PRMT3: variants seen among roughly 807,000 people sequenced by gnomAD.
The protein encoded by PRMT3 is protein arginine N-methyltransferase 3.
Under a neutral mutation model 71.9 loss-of-function variants are expected in PRMT3, and 62 were observed. That is an observed-to-expected ratio of 0.86 (90% CI 0.70 to 1.07). The LOEUF (loss-of-function observed/expected upper bound fraction) is 1.07. Ranked by LOEUF, PRMT3 falls within the 50% of genes least tolerant of loss-of-function variation. PRMT3 has a pLI of 0.00. For synonymous variants in PRMT3, 213 were observed against 220.4 expected (o/e 0.97, Z 0.30); for missense variants, 663 against 643.0 (o/e 1.03, Z -0.34).
chr11:20,399,596 C>G (rs868538645), intron 7 of PRMT3, among the ~76,000 whole-genome samples: 1 of 152,090 alleles, frequency 6.6e-6, no homozygotes, highest in East Asian at 1.9e-4. Context: ...TAAATCACCC[C>G]ATCAGCTTAA....
At chr11:20,464,709 AGT>A (rs1850467736) in intron 13 of PRMT3, among the ~76,000 whole-genome samples, 163 bp downstream of exon 13, 1 of 152,230 alleles carries the variant, frequency 6.6e-6, no homozygotes, top group African/African-American at 2.4e-5. Flanking sequence ...TTAATAGGTC[AGT>A]AAACTTCAAA....
chr11:20,476,426 T>A (rs1195066994), intron 13 of PRMT3, among the ~76,000 whole-genome samples: 1 of 151,092 alleles, frequency 6.6e-6, no homozygotes, highest in African/African-American at 2.4e-5. Context: ...CATTTTAATA[T>A]GAATGATGAA....
intron 2 of PRMT3, 130 bp downstream of exon 2, chr11:20,388,284 G>A (rs745900225): frequency 3.7e-6 from 5 of 1,350,334 alleles, no homozygotes; most frequent in African/African-American, 1.5e-5. Flanking sequence ...CCACTGGTCT[G>A]GGGTGAGGGC....
Position 20,452,404 on chromosome 11 carries a change from C to A in PRMT3, c.1072+196C>A, listed in dbSNP as rs531002840. Among the ~76,000 whole-genome samples, 18 of 152,170 alleles carry A rather than the reference C, an allele frequency of 1.2e-4. No individual in the cohort carries two copies. The South Asian group carries it at 3.7e-3, about 32-fold the overall frequency. On this transcript the variant is annotated intron_variant, in intron 11 of 15. Transcript: ENST00000331079. ...ATATTATATAAGACATGGGGGACTC[C>A]AAGGTAATGGTATTCTCAAGAATGC...
At chr11:20,484,703 G>A (rs924521206) in intron 13 of PRMT3, among the ~76,000 whole-genome samples, 1 of 152,152 alleles carries the variant, frequency 6.6e-6, no homozygotes, top group Non-Finnish European at 1.5e-5. Context: ...AAATTGCCCA[G>A]TCTCTGGTTT....
At position 20,392,191 on chromosome 11, in the gene PRMT3, T is replaced by A; in HGVS notation, c.248-20T>A. On this transcript the variant is annotated intron_variant, in intron 3 of 15. Transcript: ENST00000331079. ...AACTCATTATGTTAACATAGGTGAA[T>A]TATCTTTTTCCCCCTTTAGGACTTG... is the stretch of plus-strand genomic sequence containing the variant. The A allele has an allele frequency of 6.4e-7, 1 of 1,569,594 alleles. No individual in the cohort carries two copies. Among genetic ancestry groups the A allele is most frequent in the South Asian group, 1.1e-5 (1 of 88,102 alleles).
chr11:20,428,215 G>A (rs1286491339), intron 10 of PRMT3, among the ~76,000 whole-genome samples: 2 of 152,108 alleles, frequency 1.3e-5, no homozygotes, highest in Admixed American at 6.6e-5. Flanking sequence ...AATTAAAAAT[G>A]TAATATTTCT....
chr11:20,401,508 A>G (rs1209238273), intron 7 of PRMT3, among the ~76,000 whole-genome samples: 2 of 152,198 alleles, frequency 1.3e-5, no homozygotes, highest in African/African-American at 4.8e-5. Context: ...GTACTTAAGT[A>G]AAACAACTTG....
At chr11:20,435,859 G>A (rs11025563) in intron 10 of PRMT3, among the ~76,000 whole-genome samples, 313 of 152,272 alleles carry the variant, frequency 2.1e-3, no homozygotes, top group Middle Eastern at 0.017. Context: ...TTATTTCTAC[G>A]AAGAATGTCA....
intron 13 of PRMT3, among the ~76,000 whole-genome samples, chr11:20,489,780 T>C (rs1263714265): frequency 1.3e-5 from 2 of 151,628 alleles, no homozygotes; most frequent in Non-Finnish European, 2.9e-5. Context: ...TTTTTTTTTT[T>C]CTTAATCTCT....
At position 20,387,761 on chromosome 11, in the gene PRMT3, G is replaced by A. The variant is rs2133288070; in HGVS notation, c.15G>A (p.Ala5=). The change falls in exon 1 of 16, where the codon GCG becomes GCA. Residue 5 remains alanine (A), a synonymous_variant. Transcript: ENST00000331079. This position sits in a 1 kb window ranked among gnomAD's most constrained non-coding sequence, Gnocchi z 4.3. MCSL[A]SGATGGRGAV... ...GCACCACAGCCATGTGCTCGTTAGC[G>A]TCAGGCGCTACCGGTGGGTACCCTG... 2 of 1,541,958 alleles carry A rather than the reference G, an allele frequency of 1.3e-6. No individual in the cohort carries two copies. The highest frequency in any genetic ancestry group is 8.7e-7 in the Non-Finnish European group (1 of 1,146,216).
chr11:20,440,489 CAAAAAAAAAAA>C (rs55801324), intron 10 of PRMT3, among the ~76,000 whole-genome samples: 1 of 115,960 alleles, frequency 8.6e-6, no homozygotes, highest in Admixed American at 9.7e-5. Context: ...ACTAAAAATA[CAAAAAAAAAAA>C]AAAAAAAAAA....
At chr11:20,505,047 A>C (rs1851558039) in intron 15 of PRMT3, among the ~76,000 whole-genome samples, 1 of 152,018 alleles carries the variant, frequency 6.6e-6, no homozygotes, top group Admixed American at 6.6e-5. Flanking sequence ...TGCTTTTTTG[A>C]AGCTGTTGTT....
At chr11:20,401,373 T>A (rs1848944658) in intron 7 of PRMT3, among the ~76,000 whole-genome samples, 1 of 152,178 alleles carries the variant, frequency 6.6e-6, no homozygotes, top group Admixed American at 6.5e-5. Context: ...GATAATTAGT[T>A]AATATATATA....
At chr11:20,482,812 ATGGAAAGACAAGTCAAGTCAAAAATT>A (rs36218371) in intron 13 of PRMT3, among the ~76,000 whole-genome samples, 146,674 of 150,840 alleles carry the variant, frequency 0.97, 71,641 homozygotes, top group Middle Eastern at 1. Context: ...ATCACTCCTC[ATGGAAAGACAAGTCAAGTCAAAAATT>A]TGGAAAGACA....
intron 8 of PRMT3, among the ~76,000 whole-genome samples, chr11:20,404,675 AT>A (rs1415081352): frequency 1.3e-5 from 2 of 152,054 alleles, no homozygotes; most frequent in Non-Finnish European, 2.9e-5. Flanking sequence ...CCAGATTTTT[AT>A]TTTATTTTTT....
intron 10 of PRMT3, among the ~76,000 whole-genome samples, chr11:20,448,888 A>G (rs1298302504): frequency 1.3e-5 from 2 of 152,170 alleles, no homozygotes; most frequent in Middle Eastern, 3.2e-3. Flanking sequence ...GGGAGAAAAT[A>G]TCAGGCGTAA....
At chr11:20,458,175 T>C (rs1047184667) in intron 11 of PRMT3, among the ~76,000 whole-genome samples, 4 of 152,210 alleles carry the variant, frequency 2.6e-5, no homozygotes, top group Non-Finnish European at 5.9e-5. Flanking sequence ...ATTGTTCATA[T>C]ATATCATGAA....
At chr11:20,426,570 C>G (rs1347243323) in intron 9 of PRMT3, among the ~76,000 whole-genome samples, 196 bp from the exon 10 acceptor site, 1 of 152,076 alleles carries the variant, frequency 6.6e-6, no homozygotes, top group Non-Finnish European at 1.5e-5. Flanking sequence ...CACTGTATTG[C>G]CATATTAACC....
Sources: gnomAD v4.1 joint callset for allele counts (sites outside exome capture counted in the v4.1 genomes callset) on GRCh38, gnomAD v4.1.1 for gene constraint, Gnocchi (gnomAD v3.1) non-coding constraint, MANE v1.5 for transcripts, NCBI Gene and HGNC (gene_info 2026-07-23, HGNC 2026-07-21) for gene names.